The following MYCT1 variants were observed in gnomAD, a reference collection of about 807,000 sequenced individuals.
MYCT1 encodes myc target protein 1.
A neutral mutation model predicts 15.0 loss-of-function variants in MYCT1; 12 were observed. The ratio of observed to expected loss-of-function variants is 0.80; its 90% CI spans 0.51 to 1.29. The LOEUF is 1.29. Ranked by LOEUF, MYCT1 falls within the 50% of genes most tolerant of loss-of-function variation. The pLI, the probability that MYCT1 is intolerant of heterozygous loss-of-function variation, is 0.00. For synonymous variants in MYCT1, 104 were observed against 102.7 expected (o/e 1.01, Z -0.07); for missense variants, 287 against 279.1 (o/e 1.03, Z -0.20).
the MYCT1 span, among the ~76,000 whole-genome samples, chr6:152,736,722 A>G: frequency 1.3e-5 from 2 of 152,154 alleles, no homozygotes; most frequent in Non-Finnish European, 2.9e-5. Context: ...GTGAACATGC[A>G]TGATCATTAG....
rs140600605 is a variant in MYCT1 at position 152,721,838 on chromosome 6, G to A, written c.293G>A (p.Arg98Lys). The change falls in exon 2 of 2, where the codon AGA becomes AAA. Residue 98 changes from arginine to lysine, a missense_variant. Transcript: ENST00000367245. Reference sequence around the variant, plus strand: ...TTCATTTGTCTGTCTCGAAGAAGAAGAGCCAGTGCTCCCATCTCACAGTGG... The same window carrying A: ...TTCATTTGTCTGTCTCGAAGAAGAAAAGCCAGTGCTCCCATCTCACAGTGG... Reference protein sequence around the residue: ...AVFICLSRRRRASAPISQWSS... With the variant: ...AVFICLSRRRKASAPISQWSS... 6.2e-6 allele frequency: 10 copies of A among 1,613,948 alleles called. No individual in the cohort carries two copies. Among genetic ancestry groups the A allele is most frequent in the Non-Finnish European group, 7.6e-6 (9 of 1,180,012 alleles).
In MYCT1 at chr6:152,722,311, C is replaced by A. The variant is rs541773256; in HGVS notation, c.*58C>A. 737 of 1,509,002 alleles carry A rather than the reference C, an allele frequency of 4.9e-4. No homozygotes were observed. The highest frequency in any genetic ancestry group is 6.1e-4 in the Non-Finnish European group (690 of 1,131,206). The allele number at this position is 1,509,002 out of a possible 1,614,324, so 93.5% of individuals were successfully genotyped here. On this transcript the variant is annotated 3_prime_UTR_variant, in exon 2 of 2. Coordinates refer to ENST00000367245, the MANE Select transcript of MYCT1 (RefSeq NM_025107.3). ...GTCTTGTCTTTTATTGAAAGGAAAT[C>A]AAAAATAGGCTAAACAGAATTTTGA...
intron 1 of MYCT1, among the ~76,000 whole-genome samples, chr6:152,721,022 G>A (rs2099724599): frequency 6.6e-6 from 1 of 152,174 alleles, no homozygotes; most frequent in Non-Finnish European, 1.5e-5. Context: ...ACGTAGCCGA[G>A]GCTCTATGGA....
At chr6:152,738,546 T>C in the MYCT1 span, among the ~76,000 whole-genome samples, 1 of 152,140 alleles carries the variant, frequency 6.6e-6, no homozygotes, top group Non-Finnish European at 1.5e-5. Flanking sequence ...ACTCGTTAAC[T>C]AAATGACACT....
At position 152,714,160 on chromosome 6, in the gene MYCT1, C is replaced by G. The variant is rs529823574; in HGVS notation, c.197-7582C>G. The stretch of plus-strand genomic sequence containing the variant: ...TTGGTGATTTTCTCTTTCTCTCTGT[C>G]TCTTTCTCTTGCTCCTGCCCACTCT... On this transcript the variant is annotated intron_variant, in intron 1 of 1. Transcript: ENST00000367245. 2.4e-4 allele frequency among the ~76,000 whole-genome samples: 36 copies of G among 152,050 alleles called. 1 individual carries two copies. In the East Asian group the frequency reaches 6.6e-3, roughly 28 times the overall value.
At chr6:152,732,483 A>T in the MYCT1 span, among the ~76,000 whole-genome samples, 81,777 of 151,962 alleles carry the variant, frequency 0.54, 24,399 homozygotes, top group Non-Finnish European at 0.66. Context: ...TCAAAATGGA[A>T]AAAGAATGTA....
Position 152,722,545 on chromosome 6 carries a change from A to T in MYCT1, c.*292A>T, listed in dbSNP as rs1443852246. 2 of 291,600 alleles carry T rather than the reference A, an allele frequency of 6.9e-6. No individual in the cohort carries two copies. Among genetic ancestry groups the T allele is most frequent in the Non-Finnish European group, 1.3e-5 (2 of 155,662 alleles). 18.1% of individuals were successfully genotyped at this position (291,600 alleles called of 1,614,324 possible). ...GATTCTAATGTAAGAATCAGCTAAG[A>T]TGCATTATATATATTTTAATTAAAA... On this transcript the variant is annotated 3_prime_UTR_variant, in exon 2 of 2. Transcript: ENST00000367245.
chr6:152,716,086 A>G (rs927054456), intron 1 of MYCT1, among the ~76,000 whole-genome samples: 1 of 152,202 alleles, frequency 6.6e-6, no homozygotes, highest in Non-Finnish European at 1.5e-5. Context: ...CAGGAAGACC[A>G]TATTCCAGGT....
chr6:152,729,546 C>T (rs1038763096), downstream of MYCT1, among the ~76,000 whole-genome samples: 4 of 152,096 alleles, frequency 2.6e-5, no homozygotes, highest in African/African-American at 9.7e-5. Context: ...ACCAAATCAT[C>T]GAAGTATAAT....
intron 1 of MYCT1, among the ~76,000 whole-genome samples, chr6:152,707,126 A>C (rs2099722424): frequency 6.6e-6 from 1 of 152,004 alleles, no homozygotes; most frequent in African/African-American, 2.4e-5. Flanking sequence ...TTTCATCAAC[A>C]CTGTACAGTT....
intron 1 of MYCT1, among the ~76,000 whole-genome samples, chr6:152,700,444 T>C (rs1433134194): frequency 1.3e-5 from 2 of 152,190 alleles, no homozygotes; most frequent in African/African-American, 2.4e-5. Flanking sequence ...TCTGGTTTAC[T>C]TTAATGAGCG....
At chr6:152,713,531 C>A (rs957825558) in intron 1 of MYCT1, among the ~76,000 whole-genome samples, 1 of 151,974 alleles carries the variant, frequency 6.6e-6, no homozygotes, top group African/African-American at 2.4e-5. Context: ...GTATGTTTTC[C>A]CCCTAGTTTA....
the MYCT1 span, among the ~76,000 whole-genome samples, chr6:152,744,456 TGAATTGAGGAGAGTTTAATAAAGAGGTA>T: frequency 8.6e-5 from 13 of 151,732 alleles, no homozygotes; most frequent in African/African-American, 1.7e-4. Context: ...TTTCCAAAGG[TGAATTGAGGAGAGTTTAATAAAGAGGTA>T]GAATTGAGGA....
rs976089673 is a variant in MYCT1 at position 152,722,498 on chromosome 6, TG to T, written c.*246del. The T allele has an allele frequency of 4.8e-5, 20 of 420,814 alleles. No individual in the cohort carries two copies. Among genetic ancestry groups the T allele is most frequent in the Non-Finnish European group, 8.0e-5 (19 of 238,276 alleles). 26.1% of individuals were successfully genotyped at this position (420,814 alleles called of 1,614,324 possible). A position where few individuals can be genotyped will look rare whatever the true frequency, so the allele number is the denominator to read the frequency against. On this transcript the variant is annotated 3_prime_UTR_variant, in exon 2 of 2. Coordinates refer to ENST00000367245, the MANE Select transcript of MYCT1 (RefSeq NM_025107.3). ...TTATATTTATGTATTTTGTATTCAA[TG>T]TGAGGCTTATTAAAAATAGTGATTC...
chr6:152,708,422 G>A (rs540611506), intron 1 of MYCT1, among the ~76,000 whole-genome samples: 1 of 152,072 alleles, frequency 6.6e-6, no homozygotes, highest in South Asian at 2.1e-4. Context: ...GTGTGTGCCT[G>A]TAGTCTCAGT....
At chr6:152,717,752 A>G (rs184614629) in intron 1 of MYCT1, among the ~76,000 whole-genome samples, 12 of 152,246 alleles carry the variant, frequency 7.9e-5, no homozygotes, top group African/African-American at 2.9e-4. Flanking sequence ...AAAACAGACT[A>G]ATGCAATTTC....
chr6:152,736,936 G>A, the MYCT1 span, among the ~76,000 whole-genome samples: 1 of 152,184 alleles, frequency 6.6e-6, no homozygotes, highest in African/African-American at 2.4e-5. Flanking sequence ...TATATTCCTA[G>A]GAAAGATATA....
At position 152,697,916 on chromosome 6, in the gene MYCT1, T is replaced by C. The variant is rs2099720682; in HGVS notation, c.14T>C (p.Val5Ala). 2 of 1,586,150 alleles carry C rather than the reference T, an allele frequency of 1.3e-6. No individual in the cohort carries two copies. The highest frequency in any genetic ancestry group is 2.7e-5 in the African/African-American group (2 of 73,040). ...TTATTTCCTTTTATGCGAACACAAGTATATGAGGGGTTGTGTAAAAATTAT... is the reference window on the plus strand; with the variant it reads ...TTATTTCCTTTTATGCGAACACAAGCATATGAGGGGTTGTGTAAAAATTAT... MRTQ[V>A]YEGLCKNYFS... The change falls in exon 1 of 2, where the codon GTA (valine) becomes GCA (alanine). Residue 5 changes from valine to alanine, a missense_variant. Physicochemically the swap from Val to Ala is moderately conservative, Grantham distance 64. Coordinates refer to ENST00000367245, the MANE Select transcript of MYCT1 (RefSeq NM_025107.3).
rs549048598 is a variant in MYCT1, at chr6:152,701,291, C to T, written c.196+3193C>T. On this transcript the variant is annotated intron_variant, in intron 1 of 1. Transcript: ENST00000367245. The stretch of plus-strand genomic sequence containing the variant: ...AGTCAGTGACACAAATAAGGCATTT[C>T]AAGAGGTTTGGGGAGCTCAGGAAAA... Among the ~76,000 whole-genome samples, 47 of 152,232 alleles carry T rather than the reference C, an allele frequency of 3.1e-4. 2 individuals carry two copies. The South Asian group carries it at 9.5e-3, about 31-fold the overall frequency.
Sources: allele counts gnomAD v4.1 joint callset (sites outside exome capture counted in the v4.1 genomes callset), GRCh38; gene constraint gnomAD v4.1.1; transcripts MANE v1.5; gene names NCBI Gene and HGNC (gene_info 2026-07-23, HGNC 2026-07-21).